The following ITFG1 variants were observed in gnomAD, a reference collection of about 807,000 sequenced individuals.
ITFG1 encodes the protein integrin alpha FG-GAP repeat containing 1, also known as T-cell immunomodulatory protein.
A neutral mutation model predicts 81.8 loss-of-function variants in ITFG1; 34 were observed. That is an observed-to-expected ratio of 0.42 (90% confidence interval 0.32 to 0.55). ITFG1 has a LOEUF of 0.55. Ranked by LOEUF, ITFG1 falls within the 20% of genes least tolerant of loss-of-function variation. ITFG1 has a pLI of 0.17. For missense variants in ITFG1, 672 were observed against 755.4 expected (o/e 0.89, Z 1.29); for synonymous variants, 285 against 270.6 (o/e 1.05, Z -0.52).
At chr16:47,258,296 A>G (rs1966162457) in intron 12 of ITFG1, among the ~76,000 whole-genome samples, 1 of 152,378 alleles carries the variant, frequency 6.6e-6, no homozygotes, top group South Asian at 2.1e-4. Flanking sequence ...AAACAGTGCT[A>G]TCTCACAGAA....
intron 10 of ITFG1, among the ~76,000 whole-genome samples, chr16:47,295,079 C>A (rs1966962786): frequency 6.6e-6 from 1 of 152,098 alleles, no homozygotes; most frequent in Admixed American, 6.5e-5. Flanking sequence ...AGATGAATTT[C>A]ATCAAATGCT....
rs780569318 is a variant in ITFG1 at position 47,454,063 on chromosome 16, G to C, written c.377C>G (p.Ala126Gly). 4.0e-5 allele frequency: 65 copies of C among 1,609,972 alleles called. No homozygotes were observed. The Admixed American group carries it at 1.1e-3, about 26-fold the overall frequency. The stretch of plus-strand genomic sequence containing the variant: ...GATAACAGCTCCTAATTCACTCTTG[G>C]CATAATTTTTGGGAAGATATGTCAG... ...VLLTYLPKNY[A>G]KSELGAVIFW... Residue 126 changes from alanine to glycine, a missense_variant, in exon 3 of 18, where the codon GCC becomes GGC. This residue lies in a region of ITFG1 where 560 missense variants were observed against 625.7 expected (regional missense o/e 0.90). Transcript: ENST00000320640.
chr16:47,332,335 A>C (rs1288336826), intron 8 of ITFG1, among the ~76,000 whole-genome samples: 1 of 152,178 alleles, frequency 6.6e-6, no homozygotes, highest in African/African-American at 2.4e-5. Flanking sequence ...CTTTCAAGGG[A>C]AAAATAGGGA....
chr16:47,425,229 G>A (rs1334979716), intron 6 of ITFG1, among the ~76,000 whole-genome samples: 1 of 152,202 alleles, frequency 6.6e-6, no homozygotes, highest in African/African-American at 2.4e-5. Flanking sequence ...GCAACACTCC[G>A]TGGGTGTGGG....
intron 14 of ITFG1, among the ~76,000 whole-genome samples, chr16:47,211,838 T>C (rs958350586): frequency 6.6e-6 from 1 of 152,208 alleles, no homozygotes; most frequent in Non-Finnish European, 1.5e-5. Flanking sequence ...TGAACTGGCA[T>C]TGTGTCCCTG....
intron 6 of ITFG1, among the ~76,000 whole-genome samples, chr16:47,391,592 A>G (rs966324671): frequency 6.6e-6 from 1 of 152,226 alleles, no homozygotes; most frequent in Non-Finnish European, 1.5e-5. Context: ...TATAGTGTTT[A>G]AAGTTCTTTC....
At chr16:47,436,031 T>A (rs893015017) in intron 5 of ITFG1, among the ~76,000 whole-genome samples, 4 of 152,072 alleles carry the variant, frequency 2.6e-5, no homozygotes, top group African/African-American at 9.7e-5. Flanking sequence ...AAAAAACACA[T>A]AAAGGTCTAC....
At chr16:47,234,688 T>C (rs1965854183) in intron 13 of ITFG1, among the ~76,000 whole-genome samples, 1 of 152,186 alleles carries the variant, frequency 6.6e-6, no homozygotes, top group Non-Finnish European at 1.5e-5. Flanking sequence ...AAAATATGAC[T>C]TGGATTCCAT....
intron 14 of ITFG1, among the ~76,000 whole-genome samples, chr16:47,177,834 C>T (rs1965049893): frequency 6.6e-6 from 1 of 152,142 alleles, no homozygotes; most frequent in Non-Finnish European, 1.5e-5. Context: ...TGATTTTTAA[C>T]ATTTAAATTA....
chr16:47,449,732 G>A (rs1191594887), intron 5 of ITFG1: 2 of 151,970 alleles, frequency 1.3e-5, no homozygotes, highest in Non-Finnish European at 2.9e-5. Flanking sequence ...CAGGCATGAT[G>A]TTTTAAAATC....
chr16:47,413,582 T>C (rs1046070209), intron 6 of ITFG1, among the ~76,000 whole-genome samples: 1 of 151,950 alleles, frequency 6.6e-6, no homozygotes, highest in Non-Finnish European at 1.5e-5. Context: ...TGTAATCCCA[T>C]CTACTTGGGA....
chr16:47,412,849 C>A (rs1253375019), intron 6 of ITFG1, among the ~76,000 whole-genome samples: 2 of 152,056 alleles, frequency 1.3e-5, no homozygotes, highest in Non-Finnish European at 2.9e-5. Flanking sequence ...ATGAACAAAA[C>A]CTCTGAGAAA....
chr16:47,237,487 CTAAT>C (rs1183534412), intron 13 of ITFG1, among the ~76,000 whole-genome samples: 1 of 152,162 alleles, frequency 6.6e-6, no homozygotes, highest in Middle Eastern at 3.2e-3. Context: ...CTGTCAAAAA[CTAAT>C]TATTTTCACA....
In ITFG1 at chr16:47,376,964, C is replaced by CAAAAAAAAAAAA. The variant is rs1222007051; in HGVS notation, c.656-1036_656-1025dup. Among the ~76,000 whole-genome samples, 4 of 18,074 alleles carry CAAAAAAAAAAAA rather than the reference C, an allele frequency of 2.2e-4. 1 individual carries two copies. Among genetic ancestry groups the CAAAAAAAAAAAA allele is most frequent in the African/African-American group, 5.0e-4 (4 of 8,054 alleles). The allele number at this position is 18,074 out of a possible 152,430, so 11.9% of individuals were successfully genotyped here. ...GAGACAGAGGGAGACTCTGTCTCCCCAAAAAAAAAAAAAAAAAAAAAAAAA... is the reference window on the plus strand; with the variant it reads ...GAGACAGAGGGAGACTCTGTCTCCCCAAAAAAAAAAAAAAAAAAAAAAAAAAAAAAAAAAAAA... On this transcript the variant is annotated intron_variant, in intron 6 of 17. Transcript: ENST00000320640.
chr16:47,459,068 T>C, intron 2 of ITFG1, 35 bp downstream of exon 2: 1 of 1,265,986 alleles, frequency 7.9e-7, no homozygotes. Flanking sequence ...TATTAATGAC[T>C]AAAGTTTTAT....
chr16:47,197,226 A>G (rs1157925748), intron 14 of ITFG1, among the ~76,000 whole-genome samples: 1 of 152,210 alleles, frequency 6.6e-6, no homozygotes, highest in Non-Finnish European at 1.5e-5. Flanking sequence ...TAAGAGTCTG[A>G]CATATTTTAA....
intron 13 of ITFG1, among the ~76,000 whole-genome samples, chr16:47,231,037 C>A (rs563871027): frequency 6.6e-6 from 1 of 152,170 alleles, no homozygotes; most frequent in Non-Finnish European, 1.5e-5. Context: ...CGTGAGCCAC[C>A]GCGCCCAGCC....
chr16:47,331,560 T>C (rs1967637608), intron 8 of ITFG1, among the ~76,000 whole-genome samples: 1 of 152,208 alleles, frequency 6.6e-6, no homozygotes, highest in Non-Finnish European at 1.5e-5. Flanking sequence ...AAACTGCGAA[T>C]AAAGGTTATC....
chr16:47,369,880 T>C (rs1022438031), intron 7 of ITFG1, among the ~76,000 whole-genome samples: 2 of 139,746 alleles, frequency 1.4e-5, no homozygotes, highest in African/African-American at 5.3e-5. Flanking sequence ...TGCTGTGTTG[T>C]GCAGGCTGGA....
Sources: allele counts gnomAD v4.1 joint callset (sites outside exome capture counted in the v4.1 genomes callset), GRCh38; gene constraint gnomAD v4.1.1; regional missense constraint gnomAD v4.1.1; transcripts MANE v1.5; gene names NCBI Gene and HGNC (gene_info 2026-07-23, HGNC 2026-07-21).